The following WASF3 variants were observed in gnomAD, a reference collection of about 807,000 sequenced individuals.
WASF3 encodes WASP family member 3, also known as actin-binding protein WASF3.
WASF3 carries 11 observed loss-of-function variants against 46.6 expected under a neutral mutation model. That is an observed-to-expected ratio of 0.24 (90% CI 0.15 to 0.39). The LOEUF is 0.39. Among genes scored for constraint, WASF3 ranks in the 10% least tolerant of loss-of-function variants. The pLI, the probability that WASF3 is intolerant of heterozygous loss-of-function variation, is 1.00. For synonymous variants in WASF3, 242 were observed against 259.7 expected, an observed-to-expected ratio of 0.93 and a Z score of 0.65; for missense variants, 576 against 669.8, an observed-to-expected ratio of 0.86 and a Z score of 1.55.
intron 1 of WASF3, among the ~76,000 whole-genome samples, chr13:26,593,590 T>C (rs945107478): frequency 5.9e-5 from 9 of 152,226 alleles, no homozygotes; most frequent in African/African-American, 2.2e-4. Flanking sequence ...ATTTATTTCA[T>C]GTCATATTTT....
chr13:26,649,535 C>T (rs1051498965), intron 3 of WASF3, among the ~76,000 whole-genome samples: 1 of 152,170 alleles, frequency 6.6e-6, no homozygotes, highest in African/African-American at 2.4e-5. Context: ...ACTGAAGTTA[C>T]AGGACAAACT....
intron 5 of WASF3, among the ~76,000 whole-genome samples, chr13:26,670,252 A>G (rs1009731836): frequency 2.0e-5 from 3 of 152,190 alleles, no homozygotes; most frequent in African/African-American, 7.2e-5. Flanking sequence ...AAACTAACAC[A>G]GGAACAGAAA....
intron 2 of WASF3, among the ~76,000 whole-genome samples, chr13:26,629,538 T>A (rs936127480): frequency 2.0e-5 from 3 of 152,188 alleles, no homozygotes; most frequent in Non-Finnish European, 4.4e-5. Context: ...CATTTTTGAC[T>A]AACACCATGT....
intron 1 of WASF3, among the ~76,000 whole-genome samples, chr13:26,583,582 A>AT (rs1880045723): frequency 6.6e-6 from 1 of 152,072 alleles, no homozygotes. Context: ...TTCATTGAAA[A>AT]TTTTTTTAAA....
intron 1 of WASF3, among the ~76,000 whole-genome samples, chr13:26,560,885 C>T (rs1879273552): frequency 6.6e-6 from 1 of 152,118 alleles, no homozygotes; most frequent in Non-Finnish European, 1.5e-5. Flanking sequence ...GGGCCAGCAA[C>T]AAGAGCTCAG....
At chr13:26,678,122 G>A (rs1593185938) in intron 7 of WASF3, among the ~76,000 whole-genome samples, 1 of 74,176 alleles carries the variant, frequency 1.3e-5, no homozygotes, top group Non-Finnish European at 4.3e-5. Context: ...AAGTCTGATT[G>A]TTTTATTTCT....
At chr13:26,579,015 T>TTTTTTTTTTC (rs1164371601) in intron 1 of WASF3, among the ~76,000 whole-genome samples, 1 of 130,906 alleles carries the variant, frequency 7.6e-6, no homozygotes, top group Non-Finnish European at 1.7e-5. Flanking sequence ...TTTTTTTTTT[T>TTTTTTTTTTC]TGTGGGTCAG....
At chr13:26,678,874 G>A (rs1295322577) in intron 7 of WASF3, among the ~76,000 whole-genome samples, 1 of 152,172 alleles carries the variant, frequency 6.6e-6, no homozygotes, top group Admixed American at 6.5e-5. Context: ...AACCCTGGGG[G>A]ATATATCGAC....
At chr13:26,598,650 G>T (rs1880549262) in intron 1 of WASF3, among the ~76,000 whole-genome samples, 3 of 152,146 alleles carry the variant, frequency 2.0e-5, no homozygotes, top group Admixed American at 2.0e-4. Flanking sequence ...GTGGGATCAC[G>T]AGTTTGTTTT....
chr13:26,598,056 A>G (rs9512281), intron 1 of WASF3, among the ~76,000 whole-genome samples: 116,433 of 152,042 alleles, frequency 0.77, 45,251 homozygotes, highest in East Asian at 0.9. Context: ...CTTCCACAAT[A>G]GTTGAACTAG....
chr13:26,552,974 C>T (rs1245568872), upstream of WASF3, among the ~76,000 whole-genome samples: 4 of 152,226 alleles, frequency 2.6e-5, no homozygotes, highest in African/African-American at 9.6e-5. Flanking sequence ...AAGCTGCCTA[C>T]ATTTTGACTT....
chr13:26,660,412 C>T (rs1485102072), intron 3 of WASF3, among the ~76,000 whole-genome samples: 1 of 151,710 alleles, frequency 6.6e-6, no homozygotes, highest in Non-Finnish European at 1.5e-5. Context: ...AGCACTGGGC[C>T]ATGCCAGAGA....
the WASF3 span, among the ~76,000 whole-genome samples, chr13:26,544,307 A>G: frequency 1.3e-5 from 2 of 152,174 alleles, no homozygotes; most frequent in East Asian, 3.9e-4. Flanking sequence ...TTGGCTTCTC[A>G]AAAGGAACCC....
At chr13:26,570,178 C>T (rs907490145) in intron 1 of WASF3, among the ~76,000 whole-genome samples, 13 of 152,134 alleles carry the variant, frequency 8.5e-5, no homozygotes, top group African/African-American at 2.7e-4. Context: ...ATTCCAGCTA[C>T]GTGGGAGGCT....
chr13:26,576,183 T>G lies in WASF3; in HGVS notation c.-109+18364T>G, dbSNP rs539738389. Among the ~76,000 whole-genome samples the G allele has an allele frequency of 7.9e-5, 12 of 152,298 alleles. No homozygotes were observed. The South Asian group carries it at 2.5e-3, about 32-fold the overall frequency. On this transcript the variant is annotated intron_variant, in intron 1 of 9. Coordinates refer to ENST00000335327, the MANE Select transcript of WASF3 (RefSeq NM_006646.6). ...TTTTTAAATTTCACTTTCTTATGGT[T>G]GTTTTTCTACTTTTCCTCAATGCCC...
intron 1 of WASF3, among the ~76,000 whole-genome samples, chr13:26,586,640 G>C (rs963818981): frequency 6.6e-6 from 1 of 152,076 alleles, no homozygotes; most frequent in Non-Finnish European, 1.5e-5. Context: ...AGCTTGTCTA[G>C]TTCCTAAGAG....
intron 2 of WASF3, among the ~76,000 whole-genome samples, chr13:26,625,220 GTTTATA>G (rs1246888942): frequency 2.0e-5 from 3 of 152,114 alleles, no homozygotes; most frequent in African/African-American, 7.2e-5. Context: ...GAAATATACT[GTTTATA>G]TTAGGGGGTC....
At chr13:26,640,221 A>G (rs1398888307) in intron 2 of WASF3, 2 of 152,132 alleles carry the variant, frequency 1.3e-5, no homozygotes, top group Non-Finnish European at 2.9e-5. Flanking sequence ...TCACATTTCA[A>G]CATGAGATTT....
chr13:26,649,324 A>T (rs1882242918), intron 3 of WASF3, among the ~76,000 whole-genome samples: 1 of 152,238 alleles, frequency 6.6e-6, no homozygotes, highest in South Asian at 2.1e-4. Context: ...GAAACAGAAG[A>T]CAGTCAGTAG....
Sources: allele counts gnomAD v4.1 joint callset (sites outside exome capture counted in the v4.1 genomes callset), GRCh38; gene constraint gnomAD v4.1.1; transcripts MANE v1.5; gene names NCBI Gene and HGNC (gene_info 2026-07-23, HGNC 2026-07-21).